The following C3orf20 variants were observed in gnomAD, a reference collection of about 807,000 sequenced individuals.
C3orf20 encodes uncharacterized protein C3orf20.
A neutral mutation model predicts 88.3 loss-of-function variants in C3orf20; 76 were observed. The ratio of observed to expected loss-of-function variants is 0.86; its 90% confidence interval spans 0.72 to 1.04. The LOEUF is 1.04. Among genes scored for constraint, C3orf20 ranks in the 50% least tolerant of loss-of-function variants. The pLI is 0.00. For synonymous variants in C3orf20, 436 were observed against 437.4 expected, an observed-to-expected ratio of 1.00 and a Z score of 0.04; for missense variants, 1,056 against 1,123.3, an observed-to-expected ratio of 0.94 and a Z score of 0.86.
chr3:14,738,185 T>G (rs2034779728), intron 12 of C3orf20, among the ~76,000 whole-genome samples: 1 of 145,222 alleles, frequency 6.9e-6, no homozygotes, highest in African/African-American at 2.7e-5. Flanking sequence ...TTTTTTTTTT[T>G]GAGGCAGAGT....
At chr3:14,695,109 T>C (rs2032935211) in intron 5 of C3orf20, among the ~76,000 whole-genome samples, 1 of 152,174 alleles carries the variant, frequency 6.6e-6, no homozygotes, top group Non-Finnish European at 1.5e-5. Flanking sequence ...TTCTTCTTTT[T>C]GATGTAGGCA....
chr3:14,762,710 ATATGCAGACCTGGGG>A (rs1266053594), intron 15 of C3orf20, among the ~76,000 whole-genome samples: 11 of 152,208 alleles, frequency 7.2e-5, no homozygotes, highest in African/African-American at 2.7e-4. Context: ...AGTGTTATTT[ATATGCAGACCTGGGG>A]TATGCAGCCC....
intron 12 of C3orf20, among the ~76,000 whole-genome samples, chr3:14,756,902 G>A (rs564962110): frequency 3.6e-4 from 55 of 152,324 alleles, no homozygotes; most frequent in African/African-American, 1.3e-3. Context: ...GGATCCCTTG[G>A]TCTGAGAACA....
intron 10 of C3orf20, 85 bp from the exon 11 acceptor site, chr3:14,726,816 C>G: frequency 1.3e-6 from 2 of 1,582,806 alleles, no homozygotes; most frequent in Non-Finnish European, 1.7e-6. Context: ...TCCTCTGAAC[C>G]GGAGCAAGTC....
At chr3:14,745,801 T>C (rs1309417560) in intron 12 of C3orf20, among the ~76,000 whole-genome samples, 2 of 152,254 alleles carry the variant, frequency 1.3e-5, no homozygotes, top group African/African-American at 2.4e-5. Flanking sequence ...GTGGAGCTTC[T>C]TTACATAATT....
chr3:14,728,470 G>T lies in C3orf20; in HGVS notation c.1722G>T (p.Lys574Asn). 1 of 1,614,168 alleles carries T rather than the reference G, an allele frequency of 6.2e-7. No individual in the cohort carries two copies. Among genetic ancestry groups the T allele is most frequent in the South Asian group, 1.1e-5 (1 of 91,084 alleles). Residue 574 changes from lysine to asparagine, a missense_variant, in exon 12 of 17, where the codon AAG becomes AAT. By Grantham distance (94) the Lys-to-Asn change is moderately conservative. Transcript: ENST00000253697. The part of the protein sequence containing the change: ...GLFTIEYPTK[K>N]EEEEFVRFKM... Reference sequence around the variant, plus strand: ...TTACCATTGAATATCCCACCAAAAAGGAGGAGGAAGAATTTGTTCGGTTCA... The same window carrying T: ...TTACCATTGAATATCCCACCAAAAATGAGGAGGAAGAATTTGTTCGGTTCA...
chr3:14,765,511 G>A (rs2035678119), intron 15 of C3orf20: 1 of 152,302 alleles, frequency 6.6e-6, no homozygotes, highest in Non-Finnish European at 1.5e-5. Context: ...TTGGCCAACA[G>A]CTTTGCATCT....
At chr3:14,697,643 C>T (rs2033065491) in intron 5 of C3orf20, among the ~76,000 whole-genome samples, 1 of 151,708 alleles carries the variant, frequency 6.6e-6, no homozygotes. Context: ...TGTTGGTTTG[C>T]TGCACCCCCC....
chr3:14,676,150 A>G (rs1209308693), intron 1 of C3orf20, among the ~76,000 whole-genome samples: 1 of 136,726 alleles, frequency 7.3e-6, no homozygotes, highest in Non-Finnish European at 1.6e-5. Context: ...CTGCGGTTGA[A>G]CAGAGCACCT....
chr3:14,682,758 A>G lies in C3orf20; in HGVS notation c.45A>G (p.Thr15=). 1 of 1,614,026 alleles carries G rather than the reference A, an allele frequency of 6.2e-7. No homozygotes were observed. The highest frequency in any genetic ancestry group is 8.5e-7 in the Non-Finnish European group (1 of 1,179,984). ...KSNLELYQQY[T]AMAPKLLARI... ...ACCTAGAATTATATCAGCAATACAC[A>G]GCCATGGCCCCCAAGCTACTGGCCC... is the stretch of plus-strand genomic sequence containing the variant. Residue 15 remains threonine (T), a synonymous_variant, in exon 3 of 17, where the codon ACA becomes ACG. Transcript: ENST00000253697.
chr3:14,761,810 G>A (rs1241851726), intron 15 of C3orf20, among the ~76,000 whole-genome samples, 195 bp downstream of exon 15: 4 of 152,122 alleles, frequency 2.6e-5, no homozygotes, highest in South Asian at 2.1e-4. Context: ...GACTTTGCAG[G>A]TGGGCAGGGG....
chr3:14,684,333 G>A lies in C3orf20; in HGVS notation c.576G>A (p.Leu192=). Residue 192 remains leucine, a synonymous_variant, in exon 4 of 17, where the codon CTG becomes CTA. Coordinates refer to ENST00000253697, the MANE Select transcript of C3orf20 (RefSeq NM_032137.5). ...LNAKEMAFNC[L]ISTAGRSGYS... is the part of the protein sequence containing the mutation. ...CCAAGGAGATGGCCTTCAACTGCCTGATCAGCACAGCCGGGAGAAGTGGCT... is the reference window on the plus strand; with the variant it reads ...CCAAGGAGATGGCCTTCAACTGCCTAATCAGCACAGCCGGGAGAAGTGGCT... The A allele has an allele frequency of 6.2e-6, 10 of 1,614,188 alleles. No individual in the cohort carries two copies. The highest frequency in any genetic ancestry group is 7.6e-6 in the Non-Finnish European group (9 of 1,180,030).
At chr3:14,742,833 C>CT (rs1559434935) in intron 12 of C3orf20, among the ~76,000 whole-genome samples, 2 of 151,744 alleles carry the variant, frequency 1.3e-5, no homozygotes, top group African/African-American at 4.9e-5. Flanking sequence ...GCAGAAACCC[C>CT]TGATAAACCC....
At chr3:14,720,006 T>TTTTTG (rs148543311) in intron 9 of C3orf20, among the ~76,000 whole-genome samples, 25,110 of 151,146 alleles carry the variant, frequency 0.17, 2,606 homozygotes, top group East Asian at 0.33. Flanking sequence ...TTTTTTTGTT[T>TTTTTG]TTTTGTTTTG....
chr3:14,728,935 A>AT (rs1463695933), intron 12 of C3orf20, among the ~76,000 whole-genome samples: 6 of 152,204 alleles, frequency 3.9e-5, no homozygotes, highest in African/African-American at 2.4e-5. Context: ...CCAGCTGCCA[A>AT]TTTTTTGTGG....
At chr3:14,739,028 T>C (rs931929803) in intron 12 of C3orf20, among the ~76,000 whole-genome samples, 6 of 151,810 alleles carry the variant, frequency 4.0e-5, no homozygotes, top group African/African-American at 1.5e-4. Flanking sequence ...TGACCTCAGG[T>C]GATCCACCTG....
intron 12 of C3orf20, among the ~76,000 whole-genome samples, chr3:14,743,353 C>T (rs2034970134): frequency 6.6e-6 from 1 of 152,000 alleles, no homozygotes; most frequent in African/African-American, 2.4e-5. Flanking sequence ...GTCTCACATT[C>T]AGGTCAGGCT....
Position 14,714,015 on chromosome 3 carries a change from C to G in C3orf20, c.1169C>G (p.Ser390Cys). 1 of 1,614,086 alleles carries G rather than the reference C, an allele frequency of 6.2e-7. No individual in the cohort carries two copies. Among genetic ancestry groups the G allele is most frequent in the Non-Finnish European group, 8.5e-7 (1 of 1,180,012 alleles). ...CTGAACATTTCTGCCAGCTATCCCTCTGGAAACGTCGCTGTATGTCAGATC... is the reference window on the plus strand; with the variant it reads ...CTGAACATTTCTGCCAGCTATCCCTGTGGAAACGTCGCTGTATGTCAGATC... Reference protein sequence around the residue: ...YDGSSFVYYPSGNVAVCQIPT... With the variant: ...YDGSSFVYYPCGNVAVCQIPT... Residue 390 changes from serine (S) to cysteine (C), a missense_variant, in exon 8 of 17, where the codon TCT becomes TGT. Physicochemically the swap from Ser to Cys is moderately radical, Grantham distance 112 (BLOSUM62 -1). Coordinates refer to ENST00000253697, the MANE Select transcript of C3orf20 (RefSeq NM_032137.5).
At chr3:14,720,736 A>T (rs2034128850) in intron 9 of C3orf20, among the ~76,000 whole-genome samples, 1 of 152,228 alleles carries the variant, frequency 6.6e-6, no homozygotes, top group Non-Finnish European at 1.5e-5. Flanking sequence ...CTGCACATGC[A>T]AATTGTTCAA....
Sources: gnomAD v4.1 joint callset for allele counts (sites outside exome capture counted in the v4.1 genomes callset) on GRCh38, gnomAD v4.1.1 for gene constraint, MANE v1.5 for transcripts, NCBI Gene and HGNC (gene_info 2026-07-23, HGNC 2026-07-21) for gene names.